SPATA31H1: variants seen among roughly 807,000 people sequenced by gnomAD.
The protein encoded by SPATA31H1 is spermatogenesis-associated protein 31H1.
chr2:27,576,335 T>C, the SPATA31H1 span: 1 of 480,704 alleles, frequency 2.1e-6, no homozygotes, highest in Non-Finnish European at 3.7e-6. Flanking sequence ...AGTTCAACTC[T>C]GGCCCGCAGC....
the SPATA31H1 span, chr2:27,579,511 G>A: frequency 2.4e-5 from 38 of 1,614,036 alleles, no homozygotes; most frequent in Non-Finnish European, 3.1e-5. Context: ...ATATGGACAC[G>A]TGGCTCCACA....
the SPATA31H1 span, among the ~76,000 whole-genome samples, chr2:27,554,211 C>A: frequency 2.0e-5 from 3 of 152,036 alleles, no homozygotes; most frequent in East Asian, 5.8e-4. Flanking sequence ...TTTCTGAGCC[C>A]TCAGCAGCAT....
chr2:27,579,226 C>T, the SPATA31H1 span: 3 of 1,614,184 alleles, frequency 1.9e-6, no homozygotes, highest in Non-Finnish European at 2.5e-6. Flanking sequence ...CAGCGACTAC[C>T]AAGAAAATAT....
At chr2:27,580,832 A>G in the SPATA31H1 span, 1 of 1,614,240 alleles carries the variant, frequency 6.2e-7, no homozygotes, top group South Asian at 1.1e-5. Flanking sequence ...CAGCAGGCTC[A>G]ACCATTAAGC....
At chr2:27,579,454 A>T in the SPATA31H1 span, 1 of 1,614,250 alleles carries the variant, frequency 6.2e-7, no homozygotes, top group South Asian at 1.1e-5. Context: ...AACTATATTC[A>T]GAGACATACT....
chr2:27,582,369 C>T, the SPATA31H1 span: 36 of 1,614,074 alleles, frequency 2.2e-5, no homozygotes, highest in South Asian at 1.1e-5. Flanking sequence ...TGAGAGGAGC[C>T]GACGCAGTCC....
At chr2:27,566,154 G>GT in the SPATA31H1 span, 1 of 716,990 alleles carries the variant, frequency 1.4e-6, no homozygotes. Flanking sequence ...AAAGTTAGAC[G>GT]TAAAGTACCT....
the SPATA31H1 span, among the ~76,000 whole-genome samples, chr2:27,547,098 A>G: frequency 6.6e-6 from 1 of 151,590 alleles, no homozygotes; most frequent in Non-Finnish European, 1.5e-5. Flanking sequence ...GCCTATCCTC[A>G]CACTGATATC....
chr2:27,539,101 CTTTTT>C, the SPATA31H1 span, among the ~76,000 whole-genome samples: 31,791 of 96,398 alleles, frequency 0.33, 4,952 homozygotes, highest in East Asian at 0.58. Context: ...TCATCATTTT[CTTTTT>C]TTTTTTTTTT....
the SPATA31H1 span, chr2:27,582,644 C>A: frequency 9.7e-7 from 1 of 1,028,882 alleles, no homozygotes; most frequent in Non-Finnish European, 1.4e-6. Flanking sequence ...GGAAAGGCTT[C>A]CATTTCTCTC....
At chr2:27,576,701 G>A in the SPATA31H1 span, 1 of 1,614,102 alleles carries the variant, frequency 6.2e-7, no homozygotes. Flanking sequence ...GACCACTGTT[G>A]ACTAGTGTCA....
the SPATA31H1 span, among the ~76,000 whole-genome samples, chr2:27,562,957 CTA>C: frequency 1.3e-5 from 2 of 151,408 alleles, no homozygotes; most frequent in African/African-American, 4.8e-5. Flanking sequence ...AGAACTTGGA[CTA>C]TCTCTCCATT....
chr2:27,548,413 G>A, the SPATA31H1 span, among the ~76,000 whole-genome samples: 38 of 151,716 alleles, frequency 2.5e-4, no homozygotes, highest in African/African-American at 9.2e-4. Context: ...TTGGAGATCA[G>A]CCTGGGCAAC....
At chr2:27,576,269 A>G in the SPATA31H1 span, 3 of 427,960 alleles carry the variant, frequency 7.0e-6, no homozygotes, top group Non-Finnish European at 1.2e-5. Context: ...AACATTTACA[A>G]GATGTAAAAT....
At chr2:27,582,173 G>T in the SPATA31H1 span, 2 of 1,612,548 alleles carry the variant, frequency 1.2e-6, no homozygotes, top group African/African-American at 2.7e-5. Context: ...CCTCTGAGAG[G>T]AGAGGACACA....
chr2:27,580,974 A>G, the SPATA31H1 span: 10 of 1,614,034 alleles, frequency 6.2e-6, no homozygotes, highest in Non-Finnish European at 8.5e-6. Flanking sequence ...TGCTTTCCAA[A>G]CTGCCTCAGT....
chr2:27,546,153 A>G, the SPATA31H1 span, among the ~76,000 whole-genome samples: 1 of 152,086 alleles, frequency 6.6e-6, no homozygotes, highest in Middle Eastern at 3.4e-3. Flanking sequence ...TTTCATTTAC[A>G]ATTGTGTCTT....
chr2:27,560,695 G>C, the SPATA31H1 span, among the ~76,000 whole-genome samples: 23 of 151,976 alleles, frequency 1.5e-4, no homozygotes, highest in African/African-American at 5.3e-4. Flanking sequence ...CTGACCTCGT[G>C]ATCCGCCTGC....
At chr2:27,555,154 G>A in the SPATA31H1 span, among the ~76,000 whole-genome samples, 1 of 151,810 alleles carries the variant, frequency 6.6e-6, no homozygotes, top group Non-Finnish European at 1.5e-5. Flanking sequence ...GATCATGTGA[G>A]TTTTTCTTTT....
Sources: allele counts gnomAD v4.1 joint callset (sites outside exome capture counted in the v4.1 genomes callset), GRCh38; gene constraint gnomAD v4.1.1; transcripts MANE v1.5; gene names NCBI Gene and HGNC (gene_info 2026-07-23, HGNC 2026-07-21).